Variants in CNTNAP3 observed in about 807,000 individuals in gnomAD.
CNTNAP3 encodes contactin associated protein family member 3.
CNTNAP3 carries 36 observed loss-of-function variants against 92.1 expected under a neutral mutation model. That is an observed-to-expected ratio of 0.39 (90% CI 0.30 to 0.52). The LOEUF (loss-of-function observed/expected upper bound fraction) is 0.52, where lower values mean the gene tolerates loss of function less well. CNTNAP3 is among the 20% of genes least tolerant of loss of function. CNTNAP3 has a pLI of 0.76. For synonymous variants in CNTNAP3, 232 were observed against 422.3 expected, an observed-to-expected ratio of 0.55 and a Z score of 5.53; for missense variants, 534 against 1,069.6, an observed-to-expected ratio of 0.50 and a Z score of 6.98.
intron 21 of CNTNAP3, among the ~76,000 whole-genome samples, chr9:39,083,215 C>T (rs542506365): frequency 1.3e-5 from 2 of 152,096 alleles, no homozygotes; most frequent in East Asian, 3.9e-4. Context: ...TTTCTTCAGC[C>T]TAGAATGTAT....
chr9:39,127,396 T>C (rs1194010038), intron 13 of CNTNAP3, among the ~76,000 whole-genome samples: 5 of 151,962 alleles, frequency 3.3e-5, no homozygotes, highest in Admixed American at 1.3e-4. Flanking sequence ...AATTAACTCA[T>C]ACAAGCTGAA....
At chr9:39,110,628 G>A (rs1195853998) in intron 14 of CNTNAP3, among the ~76,000 whole-genome samples, 2 of 152,054 alleles carry the variant, frequency 1.3e-5, no homozygotes, top group Non-Finnish European at 2.9e-5. Flanking sequence ...GGGAACCTGG[G>A]GTCCTGGTCT....
chr9:39,118,127 T>C lies in CNTNAP3; in HGVS notation c.2213A>G (p.Asn738Ser), dbSNP rs766352851. 6.2e-7 allele frequency: 1 copy of C among 1,608,544 alleles called. No homozygotes were observed. Among genetic ancestry groups the C allele is most frequent in the African/African-American group, 1.3e-5 (1 of 74,640 alleles). Reference sequence around the variant, plus strand: ...CCATTCATTCCGGCCAGCATCACAGTTGCAGTAATACTGAGAATCAATGCA... The same window carrying C: ...CCATTCATTCCGGCCAGCATCACAGCTGCAGTAATACTGAGAATCAATGCA... ...GNCIDSQYYCNCDAGRNEWTS... is the reference protein window; with the variant it reads ...GNCIDSQYYCSCDAGRNEWTS... The change falls in exon 14 of 24, where the codon AAC becomes AGC. Residue 738 changes from asparagine to serine, a missense_variant. Coordinates refer to ENST00000297668, the MANE Select transcript of CNTNAP3 (RefSeq NM_033655.5).
intron 14 of CNTNAP3, among the ~76,000 whole-genome samples, chr9:39,115,212 C>A (rs1033558390): frequency 2.0e-5 from 3 of 150,526 alleles, no homozygotes; most frequent in African/African-American, 7.3e-5. Flanking sequence ...CGGACATATG[C>A]CTGAAGAGAC....
intron 13 of CNTNAP3, among the ~76,000 whole-genome samples, chr9:39,128,371 G>T (rs896155917): frequency 2.0e-5 from 3 of 152,140 alleles, no homozygotes; most frequent in African/African-American, 4.8e-5. Flanking sequence ...AAACACATTA[G>T]AAATGTATTT....
intron 7 of CNTNAP3, chr9:39,174,261 C>T (rs2118231841): frequency 6.4e-6 from 1 of 157,228 alleles, no homozygotes; most frequent in African/African-American, 5.0e-5. Flanking sequence ...CTCTGTGGAG[C>T]CTTGTTATCA....
At chr9:39,179,282 TCTCTAC>T (rs1822400820) in intron 4 of CNTNAP3, among the ~76,000 whole-genome samples, 1 of 58,774 alleles carries the variant, frequency 1.7e-5, no homozygotes, top group Admixed American at 2.2e-4. Flanking sequence ...ACTCTCTCTC[TCTCTAC>T]ACACACACAC....
chr9:39,091,171 C>CTTTTTTTTTTTTTTTTTTTTTTT (rs201329360), intron 18 of CNTNAP3, among the ~76,000 whole-genome samples: 1 of 128,506 alleles, frequency 7.8e-6, no homozygotes, highest in Non-Finnish European at 1.7e-5. Context: ...TTTTCTTCTT[C>CTTTTTTTTTTTTTTTTTTTTTTT]TTTTTTTTTT....
chr9:39,134,191 CTGAAA>C (rs1821371120), intron 12 of CNTNAP3, among the ~76,000 whole-genome samples: 1 of 152,044 alleles, frequency 6.6e-6, no homozygotes, highest in African/African-American at 2.4e-5. Context: ...AGCCATGCTA[CTGAAA>C]TATCTCTTTA....
At chr9:39,120,955 A>G (rs1422117979) in intron 13 of CNTNAP3, among the ~76,000 whole-genome samples, 4 of 152,140 alleles carry the variant, frequency 2.6e-5, no homozygotes, top group Non-Finnish European at 4.4e-5. Context: ...GGGGAAGATA[A>G]AGGACCCAAA....
At chr9:39,080,674 T>C (rs929082540) in intron 21 of CNTNAP3, among the ~76,000 whole-genome samples, 3 of 129,788 alleles carry the variant, frequency 2.3e-5, no homozygotes, top group African/African-American at 8.7e-5. Context: ...TTTTTTTTTT[T>C]TTTTTTGAGA....
At chr9:39,106,185 T>C (rs1055416351) in intron 15 of CNTNAP3, among the ~76,000 whole-genome samples, 17 of 152,204 alleles carry the variant, frequency 1.1e-4, no homozygotes, top group African/African-American at 4.1e-4. Context: ...AGTGTTATGT[T>C]AAAGAAAACA....
chr9:39,137,651 T>C (rs1249961483), intron 12 of CNTNAP3, among the ~76,000 whole-genome samples: 1 of 151,830 alleles, frequency 6.6e-6, no homozygotes, highest in African/African-American at 2.4e-5. Flanking sequence ...TAGCTGGGAC[T>C]ACAGGCACCC....
chr9:39,147,470 T>G (rs113341824), intron 10 of CNTNAP3, among the ~76,000 whole-genome samples: 5 of 152,186 alleles, frequency 3.3e-5, no homozygotes, highest in African/African-American at 1.2e-4. Context: ...AAATTCAGGT[T>G]TTCAAAATAA....
chr9:39,138,606 G>C (rs1758279), intron 12 of CNTNAP3, among the ~76,000 whole-genome samples: 2 of 140,558 alleles, frequency 1.4e-5, no homozygotes, highest in Non-Finnish European at 3.1e-5. Flanking sequence ...GAAGCATGAG[G>C]AGATTTTTCT....
intron 13 of CNTNAP3, among the ~76,000 whole-genome samples, chr9:39,129,869 TAC>T (rs1440667888): frequency 6.6e-6 from 1 of 152,108 alleles, no homozygotes; most frequent in Non-Finnish European, 1.5e-5. Context: ...GAAAACGATA[TAC>T]AGATGGCAAA....
At chr9:39,099,557 GTC>G (rs1325889540) in intron 18 of CNTNAP3, among the ~76,000 whole-genome samples, 1 of 152,010 alleles carries the variant, frequency 6.6e-6, no homozygotes, top group Non-Finnish European at 1.5e-5. Context: ...GCAATACGTT[GTC>G]TCTAAAAATT....
At chr9:39,152,799 G>A (rs911796330) in intron 9 of CNTNAP3, among the ~76,000 whole-genome samples, 1 of 127,980 alleles carries the variant, frequency 7.8e-6, no homozygotes, top group Non-Finnish European at 1.6e-5. Flanking sequence ...GGGACTACAG[G>A]CACGCGCCAC....
intron 21 of CNTNAP3, chr9:39,085,434 C>T (rs1175944524): frequency 1.0e-5 from 4 of 397,626 alleles, no homozygotes; most frequent in Non-Finnish European, 1.4e-5. Context: ...AACTTCGTGT[C>T]AGCTTTGACA....
Sources: allele counts gnomAD v4.1 joint callset (sites outside exome capture counted in the v4.1 genomes callset), GRCh38; gene constraint gnomAD v4.1.1; transcripts MANE v1.5; gene names NCBI Gene and HGNC (gene_info 2026-07-23, HGNC 2026-07-21).